Variants in ERMP1 observed in about 807,000 individuals in gnomAD.
ERMP1 encodes the protein Felix-ina.
In ERMP1, 86 loss-of-function variants were observed where a neutral mutation model predicts 92.0. That is an observed-to-expected ratio of 0.93 (90% CI 0.79 to 1.12). The LOEUF (loss-of-function observed/expected upper bound fraction) is 1.12, where lower values mean the gene tolerates loss of function less well. ERMP1 is among the 50% of genes most tolerant of loss of function. ERMP1 has a pLI of 0.00. For missense variants in ERMP1, 1,342 were observed against 1,116.3 expected (o/e 1.20, Z -2.88); for synonymous variants, 530 against 412.8 (o/e 1.28, Z -3.44).
chr9:5,809,281 A>G (rs1010581551), intron 8 of ERMP1, among the ~76,000 whole-genome samples: 3 of 151,968 alleles, frequency 2.0e-5, no homozygotes, highest in Non-Finnish European at 4.4e-5. Context: ...CAGCCTCCCA[A>G]AGTGCTGGGA....
chr9:5,835,096 G>C (rs942657562), upstream of ERMP1, among the ~76,000 whole-genome samples: 5 of 148,742 alleles, frequency 3.4e-5, no homozygotes, highest in African/African-American at 1.2e-4. Context: ...ATCCTTTGTA[G>C]ATTAGATTAA....
At chr9:5,793,086 GCA>G (rs1360955582) in intron 13 of ERMP1, among the ~76,000 whole-genome samples, 3 of 152,104 alleles carry the variant, frequency 2.0e-5, no homozygotes, top group Non-Finnish European at 4.4e-5. Flanking sequence ...CTGCATATGT[GCA>G]CACACGCTTC....
chr9:5,853,828 G>A (rs1346871745), intron 6 of ERMP1, among the ~76,000 whole-genome samples: 1 of 150,328 alleles, frequency 6.7e-6, no homozygotes, highest in East Asian at 1.9e-4. Flanking sequence ...ATTCTAACAC[G>A]CTCTCTAGAT....
At chr9:5,865,891 T>C (rs904366088) in intron 5 of ERMP1, among the ~76,000 whole-genome samples, 1 of 149,266 alleles carries the variant, frequency 6.7e-6, no homozygotes, top group African/African-American at 2.5e-5. Context: ...ATAAAAAATA[T>C]ATAAAATGAG....
Position 5,812,919 on chromosome 9 carries a change from G to C in ERMP1, c.991C>G (p.Arg331Gly), listed in dbSNP as rs773065056. ...SGIIPSDTDF[R>G]IYRDFGNIPG... Reference sequence around the variant, plus strand: ...ATGTTCCCAAAATCCCTGTAGATACGAAAGTCAGTATCTGAAGGAATGATT... The same window carrying C: ...ATGTTCCCAAAATCCCTGTAGATACCAAAGTCAGTATCTGAAGGAATGATT... The change falls in exon 5 of 15, where the codon CGT (arginine) becomes GGT (glycine). Residue 331 changes from arginine to glycine, a missense_variant. By Grantham distance (125) the Arg-to-Gly change is moderately radical (BLOSUM62 -2). Coordinates refer to ENST00000339450, the MANE Select transcript of ERMP1 (RefSeq NM_024896.3). 6.2e-7 allele frequency: 1 copy of C among 1,613,854 alleles called. No individual in the cohort carries two copies. Among genetic ancestry groups the C allele is most frequent in the Non-Finnish European group, 8.5e-7 (1 of 1,179,816 alleles).
intron 2 of ERMP1, among the ~76,000 whole-genome samples, chr9:5,829,761 A>T (rs1829869084): frequency 6.6e-6 from 1 of 152,200 alleles, no homozygotes; most frequent in Non-Finnish European, 1.5e-5. Flanking sequence ...CCAGCTAGCT[A>T]AATGTACTCC....
rs1280999948 is a variant in ERMP1, at chr9:5,787,206, T to C, written c.2653A>G (p.Lys885Glu). The change falls in exon 15 of 15, where the codon AAG becomes GAG. Residue 885 changes from lysine (K) to glutamate (E), a missense_variant. Physicochemically the swap from Lys to Glu is moderately conservative, Grantham distance 56. Transcript: ENST00000339450. Reference sequence around the variant, plus strand: ...GAGGGAAATGTCCAATCTGGGAACTTTTCCTTCAGAGCATCCAGTTGAGGG... The same window carrying C: ...GAGGGAAATGTCCAATCTGGGAACTCTTCCTTCAGAGCATCCAGTTGAGGG... ...RSPQLDALKE[K>E]FPDWTFPSAW... 5 of 1,614,048 alleles carry C rather than the reference T, an allele frequency of 3.1e-6. No homozygotes were observed. The highest frequency in any genetic ancestry group is 2.2e-5 in the East Asian group (1 of 44,886).
chr9:5,847,881 C>A (rs1341500009), intron 6 of ERMP1, among the ~76,000 whole-genome samples: 2 of 148,408 alleles, frequency 1.3e-5, no homozygotes, highest in African/African-American at 5.0e-5. Context: ...GGCGACAGAG[C>A]GAGACTCCGT....
At chr9:5,811,475 A>G in intron 6 of ERMP1, 152 bp from the exon 7 acceptor site, 1 of 656,332 alleles carries the variant, frequency 1.5e-6, no homozygotes, top group South Asian at 2.2e-5. Flanking sequence ...GTGAACAGAA[A>G]TCGCTTTCTA....
intron 6 of ERMP1, among the ~76,000 whole-genome samples, chr9:5,838,339 T>G (rs1049270146): frequency 2.6e-5 from 4 of 151,914 alleles, no homozygotes; most frequent in African/African-American, 9.7e-5. Context: ...TCCAGGAGTT[T>G]GAGACCAGCC....
chr9:5,806,662 A>G (rs1470677559), intron 8 of ERMP1, among the ~76,000 whole-genome samples: 1 of 152,014 alleles, frequency 6.6e-6, no homozygotes, highest in Non-Finnish European at 1.5e-5. Flanking sequence ...CTGGTCTCAA[A>G]CACCTGGCCT....
chr9:5,805,180 C>T lies in ERMP1; in HGVS notation c.1761G>A (p.Gly587=), dbSNP rs766707713. ...ATGCATAAAGATAAGGAATAAACAT[C>T]CCCAAAAGGTAAAAAGCAATAAATT... ...QGKFIAFYLL[G]MFIPYLYALY... is the part of the protein sequence containing the mutation. The change falls in exon 10 of 15, where the codon GGG becomes GGA. Residue 587 remains glycine, a synonymous_variant. Transcript: ENST00000339450. The T allele has an allele frequency of 2.2e-5, 35 of 1,610,282 alleles. No individual in the cohort carries two copies. Among genetic ancestry groups the T allele is most frequent in the Non-Finnish European group, 2.9e-5 (34 of 1,178,802 alleles).
At chr9:5,842,355 C>G (rs1830175863) in intron 6 of ERMP1, among the ~76,000 whole-genome samples, 1 of 151,194 alleles carries the variant, frequency 6.6e-6, no homozygotes, top group Non-Finnish European at 1.5e-5. Flanking sequence ...TCTCCAAGTC[C>G]CCACCAGACC....
At chr9:5,790,907 T>C (rs1041725210) in intron 13 of ERMP1, among the ~76,000 whole-genome samples, 8 of 152,210 alleles carry the variant, frequency 5.3e-5, no homozygotes, top group Non-Finnish European at 1.2e-4. Flanking sequence ...AGATGAGGGT[T>C]ACATGGGTAT....
upstream of ERMP1, among the ~76,000 whole-genome samples, chr9:5,833,560 G>C (rs922958049): frequency 2.6e-4 from 40 of 152,282 alleles, no homozygotes; most frequent in East Asian, 5.6e-3. Flanking sequence ...AACTTAATCT[G>C]TGCTATTACT....
At chr9:5,793,930 G>A (rs951766341) in intron 13 of ERMP1, among the ~76,000 whole-genome samples, 3 of 151,970 alleles carry the variant, frequency 2.0e-5, no homozygotes, top group Admixed American at 6.5e-5. Context: ...ATCATCAATC[G>A]ATTAGATCTA....
chr9:5,836,232 T>A (rs1830094552), upstream of ERMP1, among the ~76,000 whole-genome samples: 1 of 152,194 alleles, frequency 6.6e-6, no homozygotes, highest in Non-Finnish European at 1.5e-5. Flanking sequence ...TCCCCACAGG[T>A]CATTCCATAG....
chr9:5,824,106 G>A, intron 3 of ERMP1, 105 bp from the exon 4 acceptor site: 1 of 800,516 alleles, frequency 1.2e-6, no homozygotes, highest in Non-Finnish European at 2.0e-6. Context: ...TAAGGAATAT[G>A]AAAACAAAAT....
At chr9:5,837,691 T>C (rs961295356), upstream of ERMP1, among the ~76,000 whole-genome samples, 2 of 152,150 alleles carry the variant, frequency 1.3e-5, no homozygotes, top group African/African-American at 4.8e-5. Context: ...TGTATATGCA[T>C]GCGTGCACAA....
Sources: allele counts gnomAD v4.1 joint callset (sites outside exome capture counted in the v4.1 genomes callset), GRCh38; gene constraint gnomAD v4.1.1; transcripts MANE v1.5; gene names NCBI Gene and HGNC (gene_info 2026-07-23, HGNC 2026-07-21).